Variants in DCST1 observed in about 807,000 individuals in gnomAD.
DCST1 encodes DC-STAMP domain containing 1, also known as E3 ubiquitin-protein ligase DCST1.
A neutral mutation model predicts 89.1 loss-of-function variants in DCST1; 78 were observed. The observed-to-expected ratio is 0.88, with a 90% confidence interval of 0.73 to 1.06. DCST1 has a LOEUF of 1.06. DCST1 is among the 50% of genes least tolerant of loss of function. The pLI is 0.00. For synonymous variants in DCST1, 364 were observed against 371.9 expected (o/e 0.98, Z 0.24); for missense variants, 900 against 928.6 (o/e 0.97, Z 0.40).
chr1:155,039,634 C>T (rs1660375598), intron 5 of DCST1, 103 bp downstream of exon 5: 1 of 1,402,628 alleles, frequency 7.1e-7, no homozygotes, highest in Non-Finnish European at 9.4e-7. Flanking sequence ...GAGTGTCATC[C>T]CAGCTGCTCT....
Position 155,039,525 on chromosome 1 carries a change from T to C in DCST1, c.385T>C (p.Tyr129His). 2 of 1,593,498 alleles carry C rather than the reference T, an allele frequency of 1.3e-6. No homozygotes were observed. The highest frequency in any genetic ancestry group is 1.7e-6 in the Non-Finnish European group (2 of 1,169,150). Residue 129 changes from tyrosine to histidine, a missense_variant, in exon 5 of 17, where the codon TAT (tyrosine) becomes CAT (histidine). Physicochemically the swap from Tyr to His is moderately conservative, Grantham distance 83. Transcript: ENST00000295542. ...CCTGGGATACGCCTTGGCTGCCATC[T>C]ATGTGGGTGAGTATGTGGGGGCCAG... is the stretch of plus-strand genomic sequence containing the variant. ...FVLGYALAAIYVGPVANLRHN... is the reference protein window; with the variant it reads ...FVLGYALAAIHVGPVANLRHN...
At chr1:155,044,860 T>C (rs1660564400) in intron 10 of DCST1, among the ~76,000 whole-genome samples, 1 of 151,790 alleles carries the variant, frequency 6.6e-6, no homozygotes, top group African/African-American at 2.4e-5. Flanking sequence ...GGTTGGAGGT[T>C]AGGGAGCCTG....
chr1:155,037,951 A>C (rs1660324113), intron 4 of DCST1, among the ~76,000 whole-genome samples: 2 of 152,248 alleles, frequency 1.3e-5, no homozygotes, highest in Admixed American at 1.3e-4. Context: ...TTCTACCATG[A>C]CTGGTTTAGA....
intron 4 of DCST1, among the ~76,000 whole-genome samples, chr1:155,035,413 C>T (rs776217993): frequency 1.3e-5 from 2 of 152,094 alleles, no homozygotes; most frequent in African/African-American, 2.4e-5. Context: ...CTACCTGCCT[C>T]GGCCTCCCAA....
chr1:155,038,650 T>G (rs972032879), intron 4 of DCST1, among the ~76,000 whole-genome samples: 1 of 152,220 alleles, frequency 6.6e-6, no homozygotes, highest in Admixed American at 6.5e-5. Flanking sequence ...CTGCACCTCC[T>G]AACAACACTT....
Position 155,034,689 on chromosome 1 carries a change from A to G in DCST1, c.224A>G (p.Tyr75Cys), listed in dbSNP as rs186517730. Residue 75 changes from tyrosine to cysteine, a missense_variant, in exon 4 of 17, where the codon TAC (tyrosine) becomes TGC (cysteine). Physicochemically the swap from Tyr to Cys is radical, Grantham distance 194. Transcript: ENST00000295542. ...CTCCTGGTGAACCCCATGAACATCT[A>G]CGAAGAACAGAAGATTATGTTCTTG... ...FQLLVNPMNI[Y>C]EEQKIMFLYS... 3.3e-4 allele frequency: 533 copies of G among 1,614,170 alleles called. 3 individuals are homozygous for G. The East Asian group carries it at 0.011, about 34-fold the overall frequency.
chr1:155,043,661 GA>G, intron 10 of DCST1, 152 bp downstream of exon 10: 1 of 1,122,648 alleles, frequency 8.9e-7, no homozygotes, highest in Non-Finnish European at 1.2e-6. Context: ...AAAGTTAAAG[GA>G]AAAGTGGACA....
intron 8 of DCST1, among the ~76,000 whole-genome samples, chr1:155,042,175 C>T (rs1186878018): frequency 6.6e-6 from 1 of 151,962 alleles, no homozygotes; most frequent in African/African-American, 2.4e-5. Flanking sequence ...CTCGGCTCAC[C>T]GCAACCTCTG....
In DCST1 at chr1:155,047,244, G is replaced by A. The variant is rs138386761; in HGVS notation, c.1544G>A (p.Arg515Gln). ...GTCGGGGGAGACTCCATGCTAGCCCGGCTTCTTCGAAAAACCATTGGGGCC... is the reference window on the plus strand; with the variant it reads ...GTCGGGGGAGACTCCATGCTAGCCCAGCTTCTTCGAAAAACCATTGGGGCC... Reference protein sequence around the residue: ...VKVGGDSMLARLLRKTIGALN... With the variant: ...VKVGGDSMLAQLLRKTIGALN... Residue 515 changes from arginine to glutamine, a missense_variant, in exon 14 of 17, where the codon CGG (arginine) becomes CAG (glutamine). Coordinates refer to ENST00000295542, the MANE Select transcript of DCST1 (RefSeq NM_152494.4). 19 of 1,614,140 alleles carry A rather than the reference G, an allele frequency of 1.2e-5. No individual in the cohort carries two copies. The highest frequency in any genetic ancestry group is 4.5e-5 in the East Asian group (2 of 44,888).
At chr1:155,047,417 G>A (rs1660688595) in intron 14 of DCST1, 105 bp downstream of exon 14, 3 of 1,045,852 alleles carry the variant, frequency 2.9e-6, no homozygotes, top group Non-Finnish European at 4.3e-6. Flanking sequence ...GGTGTGGAGA[G>A]ATGGGGGTTG....
chr1:155,034,344 C>G lies in DCST1; in HGVS notation c.62-91C>G, dbSNP rs749848581. 3.7e-6 allele frequency: 6 copies of G among 1,608,352 alleles called. No individual in the cohort carries two copies. The South Asian group carries it at 6.6e-5, about 18-fold the overall frequency. ...CTACTGTTTCACATGCCAGGTTTCC[C>G]CAGCCTCTATCCACCTGCAAGCCCT... On this transcript the variant is annotated intron_variant, in intron 2 of 16. Transcript: ENST00000295542.
intron 4 of DCST1, among the ~76,000 whole-genome samples, chr1:155,036,680 C>T (rs1267370101): frequency 6.6e-6 from 1 of 152,264 alleles, no homozygotes; most frequent in Admixed American, 6.5e-5. Context: ...TATTATAATT[C>T]CACTGTGGAT....
chr1:155,040,332 A>T (rs1350990408), intron 5 of DCST1, among the ~76,000 whole-genome samples, 153 bp from the exon 6 acceptor site: 1 of 152,068 alleles, frequency 6.6e-6, no homozygotes, highest in Non-Finnish European at 1.5e-5. Flanking sequence ...CAGTGAAAAA[A>T]ATCAAAGGTT....
chr1:155,050,803 C>A lies in DCST1; in HGVS notation c.2056C>A (p.Pro686Thr). The stretch of plus-strand genomic sequence containing the variant: ...GCGGCAGCGGTGCCCGGTCTGCACG[C>A]CCCGCGAAGAGCTCTCTTCCTCCGC... ...DMRQRCPVCT[P>T]REELSSSAFS... The change falls in exon 17 of 17, where the codon CCC becomes ACC. Residue 686 changes from proline to threonine, a missense_variant. Transcript: ENST00000295542. The A allele has an allele frequency of 1.2e-6, 2 of 1,612,188 alleles. No homozygotes were observed. Among genetic ancestry groups the A allele is most frequent in the Non-Finnish European group, 1.7e-6 (2 of 1,179,344 alleles).
At chr1:155,043,636 TG>T in intron 10 of DCST1, 127 bp downstream of exon 10, 15 of 1,207,940 alleles carry the variant, frequency 1.2e-5, no homozygotes, top group Non-Finnish European at 1.6e-5. Context: ...TATTTACCTT[TG>T]TCTTTGTTTA....
intron 2 of DCST1, 106 bp downstream of exon 2, chr1:155,034,203 A>G: frequency 1.3e-6 from 2 of 1,543,166 alleles, no homozygotes; most frequent in Non-Finnish European, 1.8e-6. Context: ...CCGCGCCTCC[A>G]CCACCTCTCT....
rs778077579 is a variant in DCST1 at position 155,039,559 on chromosome 1, A to G, written c.391+28A>G. ...GAGTATGTGGGGGCCAGTGAGTTAC[A>G]CTGAAGCAGTGACCCTGGGTGGGTC... is the stretch of plus-strand genomic sequence containing the variant. On this transcript the variant is annotated intron_variant, in intron 5 of 16. Transcript: ENST00000295542. 2.6e-6 allele frequency: 4 copies of G among 1,533,224 alleles called. No individual in the cohort carries two copies. In the Admixed American group the frequency reaches 7.7e-5, roughly 29 times the overall value. The allele number at this position is 1,533,224 out of a possible 1,614,324, so 95.0% of individuals were successfully genotyped here.
Position 155,034,421 on chromosome 1 carries a change from T to C in DCST1, c.62-14T>C. On this transcript the variant is annotated splice_polypyrimidine_tract_variant and intron_variant, in intron 2 of 16. Transcript: ENST00000295542. ...AGAAGAGTGGGCTGTTGAGCTACCC[T>C]GTCCCCCTCTTAGCGGTGCAGAGGC... is the stretch of plus-strand genomic sequence containing the variant. 6.2e-7 allele frequency: 1 copy of C among 1,614,010 alleles called. No individual in the cohort carries two copies. Among genetic ancestry groups the C allele is most frequent in the Non-Finnish European group, 8.5e-7 (1 of 1,180,032 alleles).
At chr1:155,036,338 C>T (rs1473542417) in intron 4 of DCST1, among the ~76,000 whole-genome samples, 3 of 152,190 alleles carry the variant, frequency 2.0e-5, no homozygotes, top group Non-Finnish European at 4.4e-5. Flanking sequence ...TTCACACAGC[C>T]CCTTAGATTT....
Sources: allele counts gnomAD v4.1 joint callset (sites outside exome capture counted in the v4.1 genomes callset), GRCh38; gene constraint gnomAD v4.1.1; transcripts MANE v1.5; gene names NCBI Gene and HGNC (gene_info 2026-07-23, HGNC 2026-07-21).